Variants in KMT2C observed in about 807,000 individuals in gnomAD.
KMT2C encodes histone-lysine N-methyltransferase 2C.
Under a neutral mutation model 507.9 loss-of-function variants are expected in KMT2C, and 88 were observed. The ratio of observed to expected loss-of-function variants is 0.17; its 90% CI spans 0.15 to 0.21. The LOEUF is 0.21. KMT2C is among the 10% of genes least tolerant of loss of function. KMT2C has a pLI of 1.00. For missense variants in KMT2C, 4,954 were observed against 5,957.8 expected (o/e 0.83, Z 5.55); for synonymous variants, 2,049 against 2,080.8 (o/e 0.98, Z 0.42).
chr7:152,170,651 C>T (rs1236171008), intron 40 of KMT2C, among the ~76,000 whole-genome samples: 2 of 151,994 alleles, frequency 1.3e-5, no homozygotes, highest in Non-Finnish European at 2.9e-5. Context: ...TATAGGTGTG[C>T]GCCACCACGC....
intron 3 of KMT2C, among the ~76,000 whole-genome samples, chr7:152,324,386 TC>T (rs1237363853): frequency 6.6e-6 from 1 of 151,750 alleles, no homozygotes; most frequent in African/African-American, 2.4e-5. Flanking sequence ...ATTCAATCAT[TC>T]CACTTTGCAT....
rs760099913 is a variant in KMT2C, at chr7:152,205,097, G to A, written c.3961+9C>T. ...AAAAAAAAAATTTTTTTTTAAGTCA[G>A]TACTATACCATCATCTCTGCAAGGT... On this transcript the variant is annotated intron_variant, in intron 25 of 58. Coordinates refer to ENST00000262189, the MANE Select transcript of KMT2C (RefSeq NM_170606.3). The A allele has an allele frequency of 6.3e-7, 1 of 1,599,502 alleles. No homozygotes were observed. The highest frequency in any genetic ancestry group is 8.5e-7 in the Non-Finnish European group (1 of 1,170,968).
chr7:152,372,949 A>G (rs1174117927), intron 1 of KMT2C, among the ~76,000 whole-genome samples: 2 of 152,214 alleles, frequency 1.3e-5, no homozygotes, highest in Non-Finnish European at 2.9e-5. Context: ...AGGATAGATC[A>G]TATGTTAGGC....
chr7:152,257,411 A>G (rs1016497291), intron 9 of KMT2C, among the ~76,000 whole-genome samples: 2 of 152,242 alleles, frequency 1.3e-5, no homozygotes, highest in African/African-American at 4.8e-5. Context: ...ATAATAAACA[A>G]GAGGCAGTGA....
chr7:152,223,793 T>C (rs897245186), intron 20 of KMT2C, among the ~76,000 whole-genome samples: 6 of 152,088 alleles, frequency 3.9e-5, no homozygotes, highest in African/African-American at 1.2e-4. Context: ...AGCAAGACTC[T>C]GTCTCTAAAT....
chr7:152,390,389 C>T (rs1448510045), intron 1 of KMT2C, among the ~76,000 whole-genome samples: 4 of 151,946 alleles, frequency 2.6e-5, no homozygotes, highest in Non-Finnish European at 3.0e-5. Context: ...CACAAAGGAA[C>T]TAGGAAGTAG....
chr7:152,233,007 C>T (rs1187479789), intron 16 of KMT2C, among the ~76,000 whole-genome samples: 3 of 152,088 alleles, frequency 2.0e-5, no homozygotes, highest in East Asian at 3.8e-4. Flanking sequence ...CCAGTGAACG[C>T]TTTCACTGAA....
intron 31 of KMT2C, among the ~76,000 whole-genome samples, chr7:152,188,513 T>C (rs2093689246): frequency 6.6e-6 from 1 of 151,398 alleles, no homozygotes; most frequent in Non-Finnish European, 1.5e-5. Flanking sequence ...AAATATTCTT[T>C]CTCTTCATTA....
intron 23 of KMT2C, among the ~76,000 whole-genome samples, chr7:152,208,474 T>C (rs527855604): frequency 6.6e-6 from 1 of 152,238 alleles, no homozygotes; most frequent in Non-Finnish European, 1.5e-5. Flanking sequence ...CCTGCTAGAC[T>C]ATATTCTCCA....
intron 20 of KMT2C, among the ~76,000 whole-genome samples, chr7:152,223,050 T>C (rs1307842131): frequency 2.0e-5 from 3 of 152,234 alleles, no homozygotes; most frequent in African/African-American, 7.2e-5. Context: ...AGGTAATGCA[T>C]CTAACTTGAA....
chr7:152,408,860 A>G (rs1347830333), intron 1 of KMT2C, among the ~76,000 whole-genome samples: 2 of 152,128 alleles, frequency 1.3e-5, no homozygotes, highest in African/African-American at 2.4e-5. Flanking sequence ...TTGAGGGTTA[A>G]TATCAAATAT....
chr7:152,361,770 TA>T (rs888325076), intron 1 of KMT2C, among the ~76,000 whole-genome samples: 10 of 152,152 alleles, frequency 6.6e-5, no homozygotes, highest in South Asian at 2.1e-4. Flanking sequence ...GTCATAATGA[TA>T]AAAAAATTAA....
chr7:152,176,837 A>C lies in KMT2C; in HGVS notation c.8616T>G (p.Pro2872=). ...LNDGEKTSLH[P]CDPDLFEKRT... is the part of the protein sequence containing the mutation. ...TTTTCTCAAATAGATCTGGATCACA[A>C]GGATGCAAAGAAGTCTTTTCTCCAT... is the stretch of plus-strand genomic sequence containing the variant. Residue 2872 remains proline, a synonymous_variant, in exon 38 of 59, where the codon CCT becomes CCG. Transcript: ENST00000262189. The C allele has an allele frequency of 6.2e-7, 1 of 1,614,244 alleles. No individual in the cohort carries two copies.
At chr7:152,163,928 G>A in intron 42 of KMT2C, 102 bp from the exon 43 acceptor site, 1 of 1,124,692 alleles carries the variant, frequency 8.9e-7, no homozygotes, top group South Asian at 1.4e-5. Flanking sequence ...AGGGCAGTTT[G>A]GCCCTGCAGA....
chr7:152,392,208 C>G (rs930141730), intron 1 of KMT2C, among the ~76,000 whole-genome samples: 6 of 152,106 alleles, frequency 3.9e-5, no homozygotes, highest in African/African-American at 1.4e-4. Context: ...TCCCCTACCC[C>G]CCACAACCCT....
chr7:152,335,131 G>A (rs978388098), intron 2 of KMT2C, among the ~76,000 whole-genome samples: 1 of 152,168 alleles, frequency 6.6e-6, no homozygotes, highest in Non-Finnish European at 1.5e-5. Flanking sequence ...TGTAGCTCTA[G>A]GCAAAGCATC....
rs12333453 is a variant in KMT2C, at chr7:152,137,027, G to A, written c.14644-103C>T. On this transcript the variant is annotated intron_variant, in intron 58 of 58. Transcript: ENST00000262189. ...TTTAAAACCAGCAAACGAAACAGAC[G>A]TAAATTAAGGAAGACCTGATTTATT... 2,627 of 839,408 alleles carry A rather than the reference G, an allele frequency of 3.1e-3. 58 individuals carry two copies. The African/African-American group carries it at 0.039, about 12-fold the overall frequency. 52.0% of individuals were successfully genotyped at this position (839,408 alleles called of 1,614,324 possible). A position where few individuals can be genotyped will look rare whatever the true frequency, so the allele number is the denominator to read the frequency against.
At chr7:152,303,777 CAGG>C (rs1295893175) in intron 6 of KMT2C, among the ~76,000 whole-genome samples, 1 of 152,184 alleles carries the variant, frequency 6.6e-6, no homozygotes, top group Non-Finnish European at 1.5e-5. Flanking sequence ...CACCTGAGGC[CAGG>C]AGTTCAAGAC....
chr7:152,362,308 G>A (rs1224517326), intron 1 of KMT2C, among the ~76,000 whole-genome samples: 3 of 152,110 alleles, frequency 2.0e-5, no homozygotes, highest in Non-Finnish European at 1.5e-5. Flanking sequence ...GCAAGTGAGG[G>A]GGGTTAGAGG....
Sources: allele counts gnomAD v4.1 joint callset (sites outside exome capture counted in the v4.1 genomes callset), GRCh38; gene constraint gnomAD v4.1.1; transcripts MANE v1.5; gene names NCBI Gene and HGNC (gene_info 2026-07-23, HGNC 2026-07-21).